Variants in PTPRD observed in about 807,000 individuals in gnomAD.
The protein encoded by PTPRD is protein tyrosine phosphatase receptor type D, also known as receptor-type tyrosine-protein phosphatase delta.
A neutral mutation model predicts 214.5 loss-of-function variants in PTPRD; 34 were observed. That is an observed-to-expected ratio of 0.16 (90% CI 0.12 to 0.21). The LOEUF is 0.21. Among genes scored for constraint, PTPRD ranks in the 10% least tolerant of loss-of-function variants. PTPRD has a pLI of 1.00. For missense variants in PTPRD, 2,545 were observed against 2,398.7 expected (o/e 1.06, Z -1.27); for synonymous variants, 1,128 against 845.7 (o/e 1.33, Z -5.79).
intron 3 of PTPRD, among the ~76,000 whole-genome samples, chr9:10,183,357 G>A (rs2099311819): frequency 6.6e-6 from 1 of 152,082 alleles, no homozygotes; most frequent in Non-Finnish European, 1.5e-5. Context: ...CATGAACTAG[G>A]ATTATGATCA....
intron 10 of PTPRD, among the ~76,000 whole-genome samples, chr9:9,102,009 C>T (rs938720553): frequency 2.0e-5 from 3 of 152,060 alleles, no homozygotes; most frequent in Admixed American, 2.0e-4. Flanking sequence ...TGACTTAGTG[C>T]TTAACATAAA....
chr9:9,601,989 G>C (rs1162779174), intron 7 of PTPRD, among the ~76,000 whole-genome samples: 1 of 152,036 alleles, frequency 6.6e-6, no homozygotes, highest in Non-Finnish European at 1.5e-5. Context: ...AGTTTTAATT[G>C]AAGATTGGCA....
At chr9:10,308,350 T>A (rs2096154376) in intron 3 of PTPRD, among the ~76,000 whole-genome samples, 1 of 152,110 alleles carries the variant, frequency 6.6e-6, no homozygotes, top group Admixed American at 6.6e-5. Flanking sequence ...TCTCAGTATC[T>A]TTGCTAAAAA....
chr9:9,387,972 C>A (rs1040077673), intron 9 of PTPRD, among the ~76,000 whole-genome samples: 1 of 152,154 alleles, frequency 6.6e-6, no homozygotes, highest in African/African-American at 2.4e-5. Flanking sequence ...CTTAATTAGA[C>A]CCCCCTTCCT....
intron 3 of PTPRD, among the ~76,000 whole-genome samples, chr9:10,177,563 C>G (rs979817644): frequency 6.6e-6 from 1 of 151,434 alleles, no homozygotes; most frequent in Non-Finnish European, 1.5e-5. Context: ...AGAGGAAAAA[C>G]AGATGAATTA....
chr9:10,360,454 A>T (rs192077586), intron 2 of PTPRD, among the ~76,000 whole-genome samples: 29 of 152,348 alleles, frequency 1.9e-4, no homozygotes, highest in African/African-American at 7.0e-4. Flanking sequence ...TCCACATAAC[A>T]TGTCACATTT....
At chr9:8,509,558 G>A (rs1357906123) in intron 21 of PTPRD, among the ~76,000 whole-genome samples, 3 of 152,096 alleles carry the variant, frequency 2.0e-5, no homozygotes, top group East Asian at 1.9e-4. Flanking sequence ...GGCTGCTCTC[G>A]GGATAATAAT....
At chr9:9,879,373 G>T (rs2067908436) in intron 5 of PTPRD, among the ~76,000 whole-genome samples, 1 of 152,074 alleles carries the variant, frequency 6.6e-6, no homozygotes, top group Non-Finnish European at 1.5e-5. Context: ...AATGCCTCTA[G>T]GTAGAATTGA....
chr9:9,451,055 GA>G (rs2092030995), intron 8 of PTPRD, among the ~76,000 whole-genome samples: 3 of 150,768 alleles, frequency 2.0e-5, no homozygotes. Context: ...AAAGTCCACA[GA>G]GGTCAAAGAA....
chr9:8,669,997 T>C (rs1301196554), intron 12 of PTPRD, among the ~76,000 whole-genome samples: 2 of 151,430 alleles, frequency 1.3e-5, no homozygotes, highest in African/African-American at 2.4e-5. Context: ...AGAAAGATTA[T>C]AGGGGTCGGT....
chr9:9,654,443 C>T (rs1327970588), intron 7 of PTPRD, among the ~76,000 whole-genome samples: 10 of 151,910 alleles, frequency 6.6e-5, no homozygotes, highest in South Asian at 4.1e-4. Flanking sequence ...TGTGTGTGCA[C>T]ATGTATACAC....
At chr9:9,666,778 C>T (rs1385140086) in intron 7 of PTPRD, among the ~76,000 whole-genome samples, 3 of 151,956 alleles carry the variant, frequency 2.0e-5, no homozygotes, top group South Asian at 2.1e-4. Flanking sequence ...AAATCTAAAA[C>T]CAAAAATGTG....
At chr9:8,324,284 T>G (rs563277322) in intron 44 of PTPRD, among the ~76,000 whole-genome samples, 1 of 152,132 alleles carries the variant, frequency 6.6e-6, no homozygotes, top group Admixed American at 6.6e-5. Context: ...TGGTGTGTGA[T>G]GTTCGCTTCC....
chr9:8,943,563 T>C (rs542037084), intron 11 of PTPRD, among the ~76,000 whole-genome samples: 6 of 149,372 alleles, frequency 4.0e-5, no homozygotes, highest in East Asian at 3.9e-4. Context: ...TTATTTTTAA[T>C]AATTTTATTT....
intron 9 of PTPRD, among the ~76,000 whole-genome samples, chr9:9,363,642 G>C (rs1187123862): frequency 6.6e-6 from 1 of 151,250 alleles, no homozygotes. Context: ...CTAAGTGGAA[G>C]TGGTCTTGGC....
intron 5 of PTPRD, among the ~76,000 whole-genome samples, chr9:9,923,123 G>GGGGT (rs1555340191): frequency 6.9e-6 from 1 of 144,960 alleles, no homozygotes; most frequent in African/African-American, 2.6e-5. Context: ...GTGTGTGGGG[G>GGGGT]GTGTGTGTGT....
chr9:8,880,181 A>G (rs1303195586), intron 11 of PTPRD, among the ~76,000 whole-genome samples: 1 of 152,192 alleles, frequency 6.6e-6, no homozygotes, highest in African/African-American at 2.4e-5. Flanking sequence ...AAAACCCACA[A>G]TATATTCTGC....
At chr9:9,073,572 T>TTC (rs1418067381) in intron 10 of PTPRD, among the ~76,000 whole-genome samples, 1 of 152,120 alleles carries the variant, frequency 6.6e-6, no homozygotes, top group Non-Finnish European at 1.5e-5. Context: ...AGACTGAGGT[T>TTC]TCCCCAAAAA....
intron 9 of PTPRD, among the ~76,000 whole-genome samples, chr9:9,207,007 T>C (rs1243678142): frequency 1.3e-5 from 2 of 152,122 alleles, no homozygotes; most frequent in Non-Finnish European, 2.9e-5. Flanking sequence ...TGGAAAATAA[T>C]AGGGACTCAA....
Sources: allele counts gnomAD v4.1 joint callset (sites outside exome capture counted in the v4.1 genomes callset), GRCh38; gene constraint gnomAD v4.1.1; transcripts MANE v1.5; gene names NCBI Gene and HGNC (gene_info 2026-07-23, HGNC 2026-07-21).